Variants in ZFYVE27 observed in about 807,000 individuals in gnomAD.
ZFYVE27 encodes the protein protrudin.
ZFYVE27 carries 36 observed loss-of-function variants against 52.8 expected under a neutral mutation model. The observed-to-expected ratio is 0.68, with a 90% CI of 0.52 to 0.90. The LOEUF (loss-of-function observed/expected upper bound fraction) is 0.90, where lower values mean the gene tolerates loss of function less well. Among genes scored for constraint, ZFYVE27 ranks in the 40% least tolerant of loss-of-function variants. The pLI is 0.00. For synonymous variants in ZFYVE27, 223 were observed against 215.6 expected, an observed-to-expected ratio of 1.03 and a Z score of -0.30; for missense variants, 450 against 527.2, an observed-to-expected ratio of 0.85 and a Z score of 1.43.
intron 1 of ZFYVE27, 47 bp from the exon 2 acceptor site, chr10:97,738,428 TTG>T (rs777047776): frequency 2.2e-5 from 36 of 1,600,966 alleles, no homozygotes; most frequent in Non-Finnish European, 1.7e-5. Flanking sequence ...TAGAATTGTG[TTG>T]AGGACTAGAC....
chr10:97,750,378 C>G lies in ZFYVE27; in HGVS notation c.712C>G (p.Gln238Glu). 2 of 1,614,170 alleles carry G rather than the reference C, an allele frequency of 1.2e-6. No individual in the cohort carries two copies. The highest frequency in any genetic ancestry group is 8.5e-7 in the Non-Finnish European group (1 of 1,180,038). Residue 238 changes from glutamine to glutamate, a missense_variant, in exon 7 of 13, where the codon CAG becomes GAG. By Grantham distance (29) the Gln-to-Glu change is conservative (BLOSUM62 2). Transcript: ENST00000684270. ...ASLQQRMNPK[Q>E]EEHAFESPPP... The stretch of plus-strand genomic sequence containing the variant: ...TCTGCAGCAGAGGATGAACCCAAAG[C>G]AGGAAGAGCATGCCTTTGAGAGTCC...
At position 97,738,510 on chromosome 10, in the gene ZFYVE27, G is replaced by T. The variant is rs777439591; in HGVS notation, c.33G>T (p.Pro11=). 6.2e-7 allele frequency: 1 copy of T among 1,614,040 alleles called. No homozygotes were observed. Among genetic ancestry groups the T allele is most frequent in the African/African-American group, 1.3e-5 (1 of 74,914 alleles). ...CATCAGAACGTGAGGGGAGTGGGCC[G>T]GAGCTGAGCCCCAGCGTGATGCCCG... MQTSEREGSG[P]ELSPSVMPEA... is the part of the protein sequence containing the mutation. Residue 11 remains proline (P), a synonymous_variant, in exon 2 of 13, where the codon CCG becomes CCT. Transcript: ENST00000684270.
chr10:97,759,192 A>G, intron 12 of ZFYVE27, 44 bp from the exon 13 acceptor site: 1 of 1,611,966 alleles, frequency 6.2e-7, no homozygotes, highest in Non-Finnish European at 8.5e-7. Context: ...CCATGAACCA[A>G]AGGGCGCAAG....
At chr10:97,738,452 A>C in intron 1 of ZFYVE27, 25 bp from the exon 2 acceptor site, 1 of 1,612,876 alleles carries the variant, frequency 6.2e-7, no homozygotes, top group Non-Finnish European at 8.5e-7. Context: ...TGCAATGCAA[A>C]TGTTGGGAAT....
Position 97,744,840 on chromosome 10 carries a change from A to G in ZFYVE27, c.380A>G (p.Tyr127Cys), listed in dbSNP as rs200777165. The G allele has an allele frequency of 3.1e-6, 5 of 1,613,614 alleles. No homozygotes were observed. Among genetic ancestry groups the G allele is most frequent in the Admixed American group, 3.3e-5 (2 of 60,010 alleles). ...LPDSELMRRKYHSVRQEDLQR... is the reference protein window; with the variant it reads ...LPDSELMRRKCHSVRQEDLQR... The stretch of plus-strand genomic sequence containing the variant: ...GATTCCGAGCTGATGCGGAGGAAGT[A>G]TCATAGCGTGAGGCAGGAGGACCTG... Residue 127 changes from tyrosine (Y) to cysteine (C), a missense_variant, in exon 4 of 13, where the codon TAT (tyrosine) becomes TGT (cysteine). By Grantham distance (194) the Tyr-to-Cys change is radical. Coordinates refer to ENST00000684270, the MANE Select transcript of ZFYVE27 (RefSeq NM_001385875.1).
chr10:97,748,384 C>T lies in ZFYVE27; in HGVS notation c.551+20C>T. 6.2e-7 allele frequency: 1 copy of T among 1,611,172 alleles called. No individual in the cohort carries two copies. Among genetic ancestry groups the T allele is most frequent in the South Asian group, 1.1e-5 (1 of 90,634 alleles). On this transcript the variant is annotated intron_variant, in intron 5 of 12. Transcript: ENST00000684270. ...CTCACAGTGAGTGACCCCTCCTCTC[C>T]CGCCACCACCCTATAGGAATTTGCA...
At chr10:97,741,986 G>A (rs971606698) in intron 2 of ZFYVE27, among the ~76,000 whole-genome samples, 4 of 151,968 alleles carry the variant, frequency 2.6e-5, no homozygotes, top group African/African-American at 9.7e-5. Flanking sequence ...CACAAAAACT[G>A]GCCAGGTGTG....
intron 10 of ZFYVE27, among the ~76,000 whole-genome samples, chr10:97,756,746 T>C (rs1316590926): frequency 1.3e-5 from 2 of 152,240 alleles, no homozygotes; most frequent in Non-Finnish European, 2.9e-5. Context: ...CAGTTGAGCA[T>C]TCTACCCTTC....
Position 97,757,213 on chromosome 10 carries a change from G to A in ZFYVE27, c.1043-52G>A. ...ATTTAGAAGCGCCAGGAGCAGGTGAGCGTGAGAGTCCTGGGATGGGCGGGG... is the reference window on the plus strand; with the variant it reads ...ATTTAGAAGCGCCAGGAGCAGGTGAACGTGAGAGTCCTGGGATGGGCGGGG... On this transcript the variant is annotated intron_variant, in intron 10 of 12. Transcript: ENST00000684270. 3.1e-6 allele frequency: 5 copies of A among 1,613,720 alleles called. No homozygotes were observed. In the East Asian group the frequency reaches 6.7e-5, roughly 22 times the overall value.
intron 6 of ZFYVE27, among the ~76,000 whole-genome samples, chr10:97,749,853 T>C (rs2046464250): frequency 6.6e-6 from 1 of 152,194 alleles, no homozygotes; most frequent in Non-Finnish European, 1.5e-5. Context: ...TATGATATGA[T>C]GGCTTCTGGA....
chr10:97,740,530 GC>G (rs767593992), intron 2 of ZFYVE27, among the ~76,000 whole-genome samples: 5 of 152,202 alleles, frequency 3.3e-5, no homozygotes, highest in Non-Finnish European at 7.3e-5. Flanking sequence ...ATCCTGTCCT[GC>G]CCGTCTCCTT....
At chr10:97,738,305 A>G (rs1349281224) in intron 1 of ZFYVE27, among the ~76,000 whole-genome samples, 172 bp from the exon 2 acceptor site, 1 of 152,130 alleles carries the variant, frequency 6.6e-6, no homozygotes, top group African/African-American at 2.4e-5. Flanking sequence ...GTTTTGATGG[A>G]TCTTTGGGGA....
chr10:97,750,581 A>G, intron 7 of ZFYVE27, 111 bp downstream of exon 7: 1 of 1,406,758 alleles, frequency 7.1e-7, no homozygotes, highest in Non-Finnish European at 9.8e-7. Context: ...GCTATTTCCC[A>G]GGCCTTAACT....
intron 4 of ZFYVE27, among the ~76,000 whole-genome samples, chr10:97,747,480 T>C (rs12240865): frequency 0.042 from 6,461 of 152,316 alleles, 422 homozygotes; most frequent in African/African-American, 0.14. Flanking sequence ...CTAATTATTC[T>C]ATCGACATTT....
intron 2 of ZFYVE27, among the ~76,000 whole-genome samples, chr10:97,742,238 A>G (rs555084527): frequency 1.5e-4 from 23 of 151,992 alleles, no homozygotes; most frequent in Non-Finnish European, 1.0e-4. Context: ...ATATATTGAC[A>G]CTGCCTTTAG....
At position 97,759,624 on chromosome 10, in the gene ZFYVE27, G is replaced by C; in HGVS notation, c.*324G>C. On this transcript the variant is annotated 3_prime_UTR_variant, in exon 13 of 13. Coordinates refer to ENST00000684270, the MANE Select transcript of ZFYVE27 (RefSeq NM_001385875.1). The stretch of plus-strand genomic sequence containing the variant: ...GCCACCAGAGGGCAGCAGCGAACTA[G>C]GCCAGGCCTGACTGGGGTCTGAAGA... 2.3e-6 allele frequency: 1 copy of C among 430,572 alleles called. No individual in the cohort carries two copies. Among genetic ancestry groups the C allele is most frequent in the Non-Finnish European group, 4.4e-6 (1 of 229,068 alleles). 26.7% of individuals were successfully genotyped at this position (430,572 alleles called of 1,614,324 possible). A position where few individuals can be genotyped will look rare whatever the true frequency, so the allele number is the denominator to read the frequency against.
chr10:97,743,138 A>G lies in ZFYVE27; in HGVS notation c.242A>G (p.Asn81Ser), dbSNP rs565250413. The change falls in exon 3 of 13, where the codon AAC becomes AGC. Residue 81 changes from asparagine (N) to serine (S), a missense_variant. Physicochemically the swap from Asn to Ser is conservative, Grantham distance 46. Coordinates refer to ENST00000684270, the MANE Select transcript of ZFYVE27 (RefSeq NM_001385875.1). Reference sequence around the variant, plus strand: ...TCCTTGCTGACCTGCCTGGGCCTCAACGTCTTGTTCCTCACTTTGAATGAG... The same window carrying G: ...TCCTTGCTGACCTGCCTGGGCCTCAGCGTCTTGTTCCTCACTTTGAATGAG... ...LCSLLTCLGL[N>S]VLFLTLNEGA... is the part of the protein sequence containing the mutation. 7.9e-5 allele frequency: 127 copies of G among 1,614,196 alleles called. 1 individual carries two copies. Among genetic ancestry groups the G allele is most frequent in the South Asian group, 6.6e-4 (60 of 91,084 alleles).
intron 4 of ZFYVE27, among the ~76,000 whole-genome samples, chr10:97,745,775 C>G (rs1418426294): frequency 6.6e-6 from 1 of 152,150 alleles, no homozygotes; most frequent in East Asian, 1.9e-4. Context: ...GCTGGTACTT[C>G]TGAGGAAGCA....
chr10:97,755,516 G>A (rs1295617360), intron 10 of ZFYVE27, among the ~76,000 whole-genome samples: 1 of 152,232 alleles, frequency 6.6e-6, no homozygotes, highest in Non-Finnish European at 1.5e-5. Context: ...GAGAAGGTGG[G>A]AGGGGCACGG....
Sources: gnomAD v4.1 joint callset for allele counts (sites outside exome capture counted in the v4.1 genomes callset) on GRCh38, gnomAD v4.1.1 for gene constraint, MANE v1.5 for transcripts, NCBI Gene and HGNC (gene_info 2026-07-23, HGNC 2026-07-21) for gene names.